The following SLC10A7 variants were observed in gnomAD, a reference collection of about 807,000 sequenced individuals.
The protein encoded by SLC10A7 is solute carrier family 10 member 7, also known as sodium/bile acid cotransporter 7.
A neutral mutation model predicts 43.2 loss-of-function variants in SLC10A7; 29 were observed. That is an observed-to-expected ratio of 0.67 (90% CI 0.50 to 0.92). SLC10A7 has a LOEUF of 0.92. Among genes scored for constraint, SLC10A7 ranks in the 40% least tolerant of loss-of-function variants. The probability of loss-of-function intolerance (pLI) is 0.00; values close to 1 mark genes in which losing one functional copy is unlikely to be tolerated. For missense variants in SLC10A7, 295 were observed against 403.2 expected (o/e 0.73, Z 2.30); for synonymous variants, 152 against 144.8 (o/e 1.05, Z -0.35).
chr4:146,404,636 A>C (rs1224339278), intron 5 of SLC10A7, among the ~76,000 whole-genome samples: 2 of 151,972 alleles, frequency 1.3e-5, no homozygotes, highest in East Asian at 1.9e-4. Context: ...CTTTTTAAAA[A>C]AATTCTTTAC....
At chr4:146,495,845 A>T (rs1165959780) in intron 4 of SLC10A7, among the ~76,000 whole-genome samples, 2 of 151,318 alleles carry the variant, frequency 1.3e-5, no homozygotes, top group African/African-American at 4.9e-5. Flanking sequence ...TTTCTTCTAT[A>T]CCCCAAATCA....
At chr4:146,286,652 G>GTGTCTGGAGTGGTGAGAAGGACCT (rs1560763914) in intron 9 of SLC10A7, among the ~76,000 whole-genome samples, 1 of 122,604 alleles carries the variant, frequency 8.2e-6, no homozygotes, top group Non-Finnish European at 1.8e-5. Context: ...GAGAAGGACC[G>GTGTCTGGAGTGGTGAGAAGGACCT]TGTCTGGAGT....
intron 5 of SLC10A7, among the ~76,000 whole-genome samples, chr4:146,402,310 C>G (rs769507972): frequency 2.9e-4 from 44 of 152,290 alleles, no homozygotes; most frequent in Non-Finnish European, 5.6e-4. Context: ...TGCTAGTCTT[C>G]TCCCTTTCCA....
intron 1 of SLC10A7, among the ~76,000 whole-genome samples, chr4:146,520,139 T>A (rs2150066690): frequency 6.6e-6 from 1 of 152,338 alleles, no homozygotes; most frequent in East Asian, 1.9e-4. Context: ...TTAAAGATCA[T>A]ACATCCTCTG....
intron 4 of SLC10A7, among the ~76,000 whole-genome samples, chr4:146,487,260 A>G (rs1735001334): frequency 6.6e-6 from 1 of 152,184 alleles, no homozygotes; most frequent in African/African-American, 2.4e-5. Flanking sequence ...CAAGCTCTAG[A>G]GACTTCTCTG....
At chr4:146,428,437 G>A (rs1460323151) in intron 5 of SLC10A7, among the ~76,000 whole-genome samples, 1 of 152,142 alleles carries the variant, frequency 6.6e-6, no homozygotes. Flanking sequence ...TCAAACTCAA[G>A]TGCAGAGGGC....
intron 4 of SLC10A7, among the ~76,000 whole-genome samples, chr4:146,495,397 G>A (rs1735792570): frequency 6.6e-6 from 1 of 152,134 alleles, no homozygotes; most frequent in Non-Finnish European, 1.5e-5. Context: ...CTTTATAAAT[G>A]TTTCAATGAA....
intron 4 of SLC10A7, among the ~76,000 whole-genome samples, chr4:146,497,492 A>G (rs1471655138): frequency 6.6e-6 from 1 of 152,162 alleles, no homozygotes; most frequent in Non-Finnish European, 1.5e-5. Context: ...TTTAATACCT[A>G]GGCTCTCAAA....
chr4:146,261,214 G>A (rs1331252894), intron 10 of SLC10A7, among the ~76,000 whole-genome samples: 2 of 152,176 alleles, frequency 1.3e-5, no homozygotes, highest in Non-Finnish European at 2.9e-5. Flanking sequence ...AGGAAGGCTG[G>A]AGGAGGAGGA....
intron 7 of SLC10A7, among the ~76,000 whole-genome samples, chr4:146,298,357 T>C (rs1011427969): frequency 2.6e-5 from 4 of 152,138 alleles, no homozygotes; most frequent in Non-Finnish European, 4.4e-5. Flanking sequence ...GCAATGAAAA[T>C]TGTTCATATC....
chr4:146,388,688 G>A (rs1738184431), intron 5 of SLC10A7, among the ~76,000 whole-genome samples: 1 of 151,920 alleles, frequency 6.6e-6, no homozygotes. Flanking sequence ...GAACCCAGGA[G>A]GTGGAGCTTG....
intron 7 of SLC10A7, among the ~76,000 whole-genome samples, chr4:146,295,306 G>T (rs890767407): frequency 6.6e-6 from 1 of 152,134 alleles, no homozygotes; most frequent in Non-Finnish European, 1.5e-5. Context: ...TGAAGGTTAG[G>T]TGGGGTGGGA....
intron 5 of SLC10A7, among the ~76,000 whole-genome samples, chr4:146,347,538 A>C (rs1034358655): frequency 2.0e-5 from 3 of 152,204 alleles, no homozygotes; most frequent in African/African-American, 7.2e-5. Flanking sequence ...TAAAGTTAGA[A>C]TCTTAAGACT....
intron 5 of SLC10A7, among the ~76,000 whole-genome samples, chr4:146,371,203 G>T (rs1736751292): frequency 6.6e-6 from 1 of 152,132 alleles, no homozygotes; most frequent in East Asian, 1.9e-4. Flanking sequence ...ATAGATTAGG[G>T]TTCAAATCTG....
At chr4:146,273,000 G>A (rs1728988139) in intron 10 of SLC10A7, among the ~76,000 whole-genome samples, 1 of 152,078 alleles carries the variant, frequency 6.6e-6, no homozygotes, top group Non-Finnish European at 1.5e-5. Flanking sequence ...GGAGCACTGA[G>A]GGCATGTGAG....
chr4:146,347,266 C>T (rs967084545), intron 5 of SLC10A7, among the ~76,000 whole-genome samples: 7 of 152,166 alleles, frequency 4.6e-5, no homozygotes, highest in Non-Finnish European at 8.8e-5. Context: ...AAACACCATT[C>T]CCATGGCACC....
At chr4:146,510,476 G>A (rs1355994133) in intron 2 of SLC10A7, among the ~76,000 whole-genome samples, 2 of 151,972 alleles carry the variant, frequency 1.3e-5, no homozygotes, top group African/African-American at 4.8e-5. Flanking sequence ...GGGCAGAATG[G>A]TCTTGATCTC....
chr4:146,449,683 CACCACA>C (rs1731415227), intron 4 of SLC10A7, among the ~76,000 whole-genome samples: 1 of 151,518 alleles, frequency 6.6e-6, no homozygotes, highest in African/African-American at 2.4e-5. Flanking sequence ...CCACCACCAC[CACCACA>C]ACAACAACAA....
chr4:146,414,059 T>C (rs1455190634), intron 5 of SLC10A7, among the ~76,000 whole-genome samples: 2 of 152,088 alleles, frequency 1.3e-5, no homozygotes, highest in Non-Finnish European at 2.9e-5. Flanking sequence ...GGAGGTCAGA[T>C]ACTAGGGTCC....
Sources: allele counts gnomAD v4.1 joint callset (sites outside exome capture counted in the v4.1 genomes callset), GRCh38; gene constraint gnomAD v4.1.1; transcripts MANE v1.5; gene names NCBI Gene and HGNC (gene_info 2026-07-23, HGNC 2026-07-21).